GREM2: variants seen among roughly 807,000 people sequenced by gnomAD.
GREM2 encodes gremlin 2, DAN family BMP antagonist.
Under a neutral mutation model 14.2 loss-of-function variants are expected in GREM2, and 11 were observed. The observed-to-expected ratio is 0.78, with a 90% CI of 0.49 to 1.28. The LOEUF is 1.28. Ranked by LOEUF, GREM2 falls within the 50% of genes most tolerant of loss-of-function variation. The pLI is 0.00. For missense variants in GREM2, 210 were observed against 218.5 expected, an observed-to-expected ratio of 0.96 and a Z score of 0.24; for synonymous variants, 98 against 97.6, an observed-to-expected ratio of 1.00 and a Z score of -0.02.
chr1:240,602,742 G>A (rs963759934), intron 1 of GREM2, among the ~76,000 whole-genome samples: 1 of 151,554 alleles, frequency 6.6e-6, no homozygotes, highest in Non-Finnish European at 1.5e-5. Context: ...TTGAACCCAG[G>A]AGGCAGAGTT....
intron 1 of GREM2, among the ~76,000 whole-genome samples, chr1:240,557,237 G>A (rs941452979): frequency 1.1e-4 from 17 of 150,974 alleles, no homozygotes; most frequent in East Asian, 5.8e-4. Flanking sequence ...TAAATAAAAC[G>A]AATCACGGGA....
intron 1 of GREM2, among the ~76,000 whole-genome samples, chr1:240,557,029 G>A (rs537391114): frequency 6.6e-6 from 1 of 151,960 alleles, no homozygotes; most frequent in South Asian, 2.1e-4. Flanking sequence ...AATTAGCCGG[G>A]TGTGGCGGTG....
chr1:240,575,364 T>C (rs1031362371), intron 1 of GREM2, among the ~76,000 whole-genome samples: 7 of 150,626 alleles, frequency 4.6e-5, no homozygotes, highest in African/African-American at 7.3e-5. Context: ...GCCAAATAGT[T>C]CTCAAGAATC....
intron 1 of GREM2, among the ~76,000 whole-genome samples, chr1:240,525,098 G>T (rs1410969337): frequency 6.6e-6 from 1 of 152,122 alleles, no homozygotes; most frequent in Non-Finnish European, 1.5e-5. Context: ...CTAAATGACT[G>T]GTACTCACTT....
intron 1 of GREM2, among the ~76,000 whole-genome samples, chr1:240,555,729 A>G (rs568741398): frequency 7.9e-5 from 12 of 152,340 alleles, no homozygotes; most frequent in Non-Finnish European, 1.8e-4. Flanking sequence ...TGTACCTTCA[A>G]TAATTTGAGA....
At chr1:240,515,002 G>A (rs6702434) in intron 1 of GREM2, among the ~76,000 whole-genome samples, 92,275 of 152,116 alleles carry the variant, frequency 0.61, 28,882 homozygotes, top group East Asian at 0.86. Context: ...ATACTTTAAC[G>A]GGAACACTTT....
intron 1 of GREM2, among the ~76,000 whole-genome samples, chr1:240,560,788 A>G (rs1679022312): frequency 1.3e-5 from 2 of 152,334 alleles, no homozygotes; most frequent in Admixed American, 6.5e-5. Flanking sequence ...AGCTAAAGGC[A>G]GTGTCTCTAG....
chr1:240,561,851 A>G (rs1474986709), intron 1 of GREM2, among the ~76,000 whole-genome samples: 1 of 152,172 alleles, frequency 6.6e-6, no homozygotes, highest in Admixed American at 6.5e-5. Flanking sequence ...TATTTAGAGA[A>G]AAAGTAACTG....
At chr1:240,602,503 C>A (rs113460894) in intron 1 of GREM2, among the ~76,000 whole-genome samples, 2 of 152,102 alleles carry the variant, frequency 1.3e-5, no homozygotes, top group African/African-American at 4.8e-5. Flanking sequence ...GTTATAATTC[C>A]TTAAAGAGCT....
intron 1 of GREM2, among the ~76,000 whole-genome samples, chr1:240,583,313 A>AATTTAGG (rs1679527603): frequency 6.6e-6 from 1 of 152,222 alleles, no homozygotes; most frequent in Admixed American, 6.5e-5. Context: ...CCAACCACAT[A>AATTTAGG]AACATGCAGA....
intron 1 of GREM2, chr1:240,550,208 G>C (rs983373126): frequency 3.9e-5 from 6 of 152,074 alleles, no homozygotes; most frequent in African/African-American, 1.5e-4. Context: ...TTTTAGTGGA[G>C]ACGGAGTTTC....
At chr1:240,547,286 G>A (rs1007931508) in intron 1 of GREM2, among the ~76,000 whole-genome samples, 7 of 151,758 alleles carry the variant, frequency 4.6e-5, no homozygotes, top group African/African-American at 7.3e-5. Context: ...GGATCACGAG[G>A]GCAGGAGATC....
At chr1:240,507,722 G>A (rs952377073) in intron 1 of GREM2, among the ~76,000 whole-genome samples, 1 of 146,392 alleles carries the variant, frequency 6.8e-6, no homozygotes, top group Non-Finnish European at 1.5e-5. Flanking sequence ...GGCAGATGAG[G>A]GAAAGGCTGA....
At chr1:240,496,112 T>G (rs1677407702) in intron 1 of GREM2, among the ~76,000 whole-genome samples, 1 of 152,060 alleles carries the variant, frequency 6.6e-6, no homozygotes, top group Non-Finnish European at 1.5e-5. Context: ...AATTTTTGTA[T>G]TTTTAGTAGA....
intron 1 of GREM2, among the ~76,000 whole-genome samples, chr1:240,532,646 TAGATAGATAGATAGATAGATAG>T (rs1558152028): frequency 7.6e-5 from 3 of 39,294 alleles, no homozygotes; most frequent in African/African-American, 2.5e-4. Context: ...TATATATAGA[TAGATAGATAGATAGATAGATAG>T]ATAGATAGAT....
intron 1 of GREM2, among the ~76,000 whole-genome samples, chr1:240,524,367 T>C (rs576497488): frequency 8.9e-4 from 135 of 152,390 alleles, no homozygotes; most frequent in African/African-American, 3.1e-3. Flanking sequence ...ATGACATGTA[T>C]TGTAATTTTT....
At chr1:240,580,189 G>C (rs1402677553) in intron 1 of GREM2, among the ~76,000 whole-genome samples, 2 of 152,012 alleles carry the variant, frequency 1.3e-5, no homozygotes, top group South Asian at 4.2e-4. Context: ...CCAGGAGTTC[G>C]AGACCAGCCT....
chr1:240,580,188 C>T (rs572512939), intron 1 of GREM2, among the ~76,000 whole-genome samples: 6 of 152,094 alleles, frequency 3.9e-5, no homozygotes, highest in Non-Finnish European at 4.4e-5. Context: ...CCCAGGAGTT[C>T]GAGACCAGCC....
chr1:240,535,468 A>G (rs774982171), intron 1 of GREM2, among the ~76,000 whole-genome samples: 8 of 152,226 alleles, frequency 5.3e-5, no homozygotes, highest in Middle Eastern at 3.2e-3. Flanking sequence ...GCCAAGAATG[A>G]CATCCTTGGT....
Sources: allele counts gnomAD v4.1 joint callset (sites outside exome capture counted in the v4.1 genomes callset), GRCh38; gene constraint gnomAD v4.1.1; transcripts MANE v1.5; gene names NCBI Gene and HGNC (gene_info 2026-07-23, HGNC 2026-07-21).